OR2L13: variants seen among roughly 807,000 people sequenced by gnomAD.
OR2L13 encodes the protein olfactory receptor 2L13.
OR2L13 carries 14 observed loss-of-function variants against 15.3 expected under a neutral mutation model. The ratio of observed to expected loss-of-function variants is 0.91; its 90% CI spans 0.60 to 1.43. The LOEUF (loss-of-function observed/expected upper bound fraction) is 1.43, where lower values mean the gene tolerates loss of function less well. Among genes scored for constraint, OR2L13 ranks in the 40% most tolerant of loss-of-function variants. OR2L13 has a pLI of 0.00. For missense variants in OR2L13, 367 were observed against 387.9 expected (o/e 0.95, Z 0.45); for synonymous variants, 152 against 142.9 (o/e 1.06, Z -0.45).
the OR2L13 span, among the ~76,000 whole-genome samples, chr1:247,953,787 C>G: frequency 6.6e-6 from 1 of 152,032 alleles, no homozygotes; most frequent in Non-Finnish European, 1.5e-5. Context: ...TAAAATAGCC[C>G]TTATCACTAC....
chr1:247,949,207 T>C, the OR2L13 span: 1 of 1,614,242 alleles, frequency 6.2e-7, no homozygotes, highest in Non-Finnish European at 8.5e-7. Context: ...TTGGCATCTA[T>C]GGCCTATGAT....
At chr1:248,038,893 C>T in the OR2L13 span, 2 of 1,614,006 alleles carry the variant, frequency 1.2e-6, no homozygotes, top group East Asian at 2.2e-5. Flanking sequence ...CTTGTGCTTC[C>T]TTTCACTGGT....
chr1:248,007,442 C>G, the OR2L13 span, among the ~76,000 whole-genome samples: 3 of 152,206 alleles, frequency 2.0e-5, no homozygotes, highest in Admixed American at 2.0e-4. Context: ...CAAGAGGCCA[C>G]TCCTTTCCCC....
At chr1:248,064,630 C>T in the OR2L13 span, among the ~76,000 whole-genome samples, 1 of 152,126 alleles carries the variant, frequency 6.6e-6, no homozygotes, top group Non-Finnish European at 1.5e-5. Flanking sequence ...GGTAGTGATT[C>T]ATGGAGGGAA....
chr1:248,024,720 T>C, the OR2L13 span, among the ~76,000 whole-genome samples: 1 of 152,172 alleles, frequency 6.6e-6, no homozygotes, highest in East Asian at 1.9e-4. Context: ...TAGTTGTAGA[T>C]ATGTGGTGTT....
chr1:248,010,215 G>C, the OR2L13 span, among the ~76,000 whole-genome samples: 5 of 152,112 alleles, frequency 3.3e-5, no homozygotes, highest in East Asian at 9.6e-4. Flanking sequence ...AGGAAGAGAG[G>C]AAGTAAAATT....
At chr1:248,068,826 T>G in the OR2L13 span, among the ~76,000 whole-genome samples, 5 of 151,904 alleles carry the variant, frequency 3.3e-5, no homozygotes, top group Admixed American at 2.0e-4. Context: ...ACATGAAGAA[T>G]GCAGAAGCCT....
the OR2L13 span, among the ~76,000 whole-genome samples, chr1:247,947,883 A>G: frequency 1.3e-5 from 2 of 152,334 alleles, no homozygotes; most frequent in South Asian, 2.1e-4. Context: ...GTTTCTCAAA[A>G]TGAGAGACAA....
the OR2L13 span, among the ~76,000 whole-genome samples, chr1:247,976,227 A>G: frequency 2.0e-5 from 3 of 152,166 alleles, no homozygotes; most frequent in African/African-American, 4.8e-5. Context: ...GGAGTAGATT[A>G]TTTGAACCAT....
the OR2L13 span, among the ~76,000 whole-genome samples, chr1:247,951,316 G>A: frequency 6.6e-6 from 1 of 151,996 alleles, no homozygotes; most frequent in Non-Finnish European, 1.5e-5. Flanking sequence ...TACTATTTAT[G>A]TGCAGATGTC....
chr1:248,000,813 G>C, the OR2L13 span, among the ~76,000 whole-genome samples: 1 of 151,956 alleles, frequency 6.6e-6, no homozygotes, highest in Non-Finnish European at 1.5e-5. Context: ...GTGATATGAG[G>C]AAACAGAAGA....
chr1:248,089,575 T>A, the OR2L13 span, among the ~76,000 whole-genome samples: 1 of 152,108 alleles, frequency 6.6e-6, no homozygotes, highest in Admixed American at 6.6e-5. Flanking sequence ...AATGAGCAAC[T>A]TCATAAGCAA....
the OR2L13 span, among the ~76,000 whole-genome samples, chr1:247,965,026 A>G: frequency 1.3e-5 from 2 of 150,278 alleles, no homozygotes; most frequent in African/African-American, 4.9e-5. Flanking sequence ...ATACATTTAC[A>G]TATATTTCTA....
the OR2L13 span, among the ~76,000 whole-genome samples, chr1:248,054,004 T>C: frequency 1.3e-5 from 2 of 152,342 alleles, no homozygotes; most frequent in South Asian, 2.1e-4. Context: ...GCAATTGCTT[T>C]TGGAGTCTTT....
the OR2L13 span, among the ~76,000 whole-genome samples, chr1:248,073,449 G>C: frequency 6.6e-6 from 1 of 151,920 alleles, no homozygotes; most frequent in Non-Finnish European, 1.5e-5. Flanking sequence ...ACATAGGAAG[G>C]GGAACATCAC....
the OR2L13 span, among the ~76,000 whole-genome samples, chr1:248,002,854 C>CAAAAAA: frequency 8.1e-5 from 10 of 123,922 alleles, no homozygotes; most frequent in African/African-American, 2.9e-4. Flanking sequence ...GACTCCAGCT[C>CAAAAAA]AAAAAAAAAA....
chr1:248,020,908 T>C, the OR2L13 span, among the ~76,000 whole-genome samples: 2 of 151,320 alleles, frequency 1.3e-5, no homozygotes, highest in Non-Finnish European at 3.0e-5. Context: ...ACATGGCACA[T>C]GTATACATAT....
the OR2L13 span, among the ~76,000 whole-genome samples, chr1:247,947,695 C>T: frequency 2.0e-5 from 3 of 151,964 alleles, no homozygotes; most frequent in Non-Finnish European, 4.4e-5. Flanking sequence ...TGAAATTAGG[C>T]GAGGAGGCCA....
the OR2L13 span, among the ~76,000 whole-genome samples, chr1:247,940,074 TTGAA>T: frequency 6.6e-6 from 1 of 152,214 alleles, no homozygotes; most frequent in African/African-American, 2.4e-5. Context: ...CCATTATTCA[TTGAA>T]TGGTTTGTTT....
Sources: allele counts gnomAD v4.1 joint callset (sites outside exome capture counted in the v4.1 genomes callset), GRCh38; gene constraint gnomAD v4.1.1; transcripts MANE v1.5; gene names NCBI Gene and HGNC (gene_info 2026-07-23, HGNC 2026-07-21).